TSHR: variants seen among roughly 807,000 people sequenced by gnomAD.
The protein encoded by TSHR is thyrotropin receptor.
Under a neutral mutation model 64.1 loss-of-function variants are expected in TSHR, and 51 were observed. The observed-to-expected ratio is 0.80, with a 90% confidence interval of 0.64 to 1.01. The LOEUF is 1.01. Ranked by LOEUF, TSHR falls within the 50% of genes least tolerant of loss-of-function variation. TSHR has a pLI of 0.00. For synonymous variants in TSHR, 361 were observed against 361.9 expected (o/e 1.00, Z 0.03); for missense variants, 877 against 942.8 (o/e 0.93, Z 0.91).
intron 1 of TSHR, among the ~76,000 whole-genome samples, chr14:80,975,004 T>C (rs74968622): frequency 0.014 from 2,163 of 152,268 alleles, 18 homozygotes; most frequent in Middle Eastern, 0.048. Flanking sequence ...CTAAGAATCT[T>C]AGCAAGGCAC....
intron 1 of TSHR, among the ~76,000 whole-genome samples, chr14:80,963,169 T>C (rs1346282620): frequency 2.0e-5 from 3 of 152,214 alleles, no homozygotes; most frequent in East Asian, 1.9e-4. Flanking sequence ...CAAATATATA[T>C]TGATTATTCT....
intron 1 of TSHR, among the ~76,000 whole-genome samples, chr14:80,967,812 A>C (rs2139697122): frequency 6.6e-6 from 1 of 152,314 alleles, no homozygotes; most frequent in Non-Finnish European, 1.5e-5. Flanking sequence ...AGCAGAGCCC[A>C]TGTGAGAATT....
At chr14:81,076,046 C>CA (rs1281954130) in intron 3 of TSHR, among the ~76,000 whole-genome samples, 24 of 152,170 alleles carry the variant, frequency 1.6e-4, no homozygotes, top group East Asian at 7.7e-4. Flanking sequence ...ATCGCAAGAA[C>CA]AAAAAACCAA....
At chr14:81,081,845 G>A (rs1319896486) in intron 3 of TSHR, among the ~76,000 whole-genome samples, 3 of 151,918 alleles carry the variant, frequency 2.0e-5, no homozygotes, top group Non-Finnish European at 4.4e-5. Context: ...CCTAATAGAT[G>A]TCCAGTAATT....
At chr14:81,089,765 T>G (rs1230008922) in intron 4 of TSHR, among the ~76,000 whole-genome samples, 1 of 152,220 alleles carries the variant, frequency 6.6e-6, no homozygotes, top group Non-Finnish European at 1.5e-5. Context: ...CTGTTCTTCA[T>G]GAGCACCTAT....
chr14:81,057,597 C>T (rs1372018262), intron 1 of TSHR, among the ~76,000 whole-genome samples: 1 of 152,184 alleles, frequency 6.6e-6, no homozygotes, highest in Non-Finnish European at 1.5e-5. Flanking sequence ...TCTATACTCA[C>T]ATAGAATAGT....
intron 8 of TSHR, among the ~76,000 whole-genome samples, chr14:81,138,296 T>C (rs1483942193): frequency 6.6e-6 from 1 of 151,396 alleles, no homozygotes; most frequent in Non-Finnish European, 1.5e-5. Context: ...GTTGAAGTGA[T>C]TCTCCCGCCT....
At position 81,143,665 on chromosome 14, in the gene TSHR, G is replaced by A; in HGVS notation, c.1607G>A (p.Arg536Lys). The A allele has an allele frequency of 6.2e-7, 1 of 1,614,146 alleles. No homozygotes were observed. The highest frequency in any genetic ancestry group is 8.5e-7 in the Non-Finnish European group (1 of 1,180,032). ...AMRLDRKIRLRHACAIMVGGW... is the reference protein window; with the variant it reads ...AMRLDRKIRLKHACAIMVGGW... ...CGCCTGGACCGGAAGATCCGCCTCA[G>A]GCACGCATGTGCCATCATGGTTGGG... Residue 536 changes from arginine (R) to lysine (K), a missense_variant, in exon 10 of 10, where the codon AGG becomes AAG. Physicochemically the swap from Arg to Lys is conservative, Grantham distance 26. Coordinates refer to ENST00000298171, the MANE Select transcript of TSHR (RefSeq NM_000369.5).
intron 1 of TSHR, among the ~76,000 whole-genome samples, chr14:81,055,931 G>T (rs1214398273): frequency 2.6e-5 from 4 of 152,118 alleles, no homozygotes; most frequent in African/African-American, 9.7e-5. Flanking sequence ...GGCATGATTG[G>T]TTTTGAAACA....
At chr14:81,037,003 T>G (rs1218272552) in intron 1 of TSHR, among the ~76,000 whole-genome samples, 2 of 151,518 alleles carry the variant, frequency 1.3e-5, no homozygotes, top group African/African-American at 4.9e-5. Context: ...ATTAGCTGGG[T>G]GTGGTGGTGT....
At chr14:80,986,590 G>A (rs1004526163) in intron 1 of TSHR, among the ~76,000 whole-genome samples, 5 of 152,038 alleles carry the variant, frequency 3.3e-5, no homozygotes, top group Non-Finnish European at 4.4e-5. Context: ...GGGTCCAGGC[G>A]ATTCTCCTGT....
chr14:81,042,455 TAAAAAATGAAGG>T (rs1884967710), intron 1 of TSHR, among the ~76,000 whole-genome samples: 2 of 152,152 alleles, frequency 1.3e-5, no homozygotes, highest in Admixed American at 6.5e-5. Context: ...TATTTAGCCA[TAAAAAATGAAGG>T]AAATCTTGTC....
chr14:81,081,289 T>C (rs940044944), intron 3 of TSHR, among the ~76,000 whole-genome samples: 2 of 152,196 alleles, frequency 1.3e-5, no homozygotes, highest in African/African-American at 4.8e-5. Flanking sequence ...TATATATATA[T>C]ACTTAACAGA....
In TSHR at chr14:81,012,990, G is replaced by A. The variant is rs1329004960; in HGVS notation, c.171-49158G>A. 3 of 152,134 alleles carry A rather than the reference G, an allele frequency of 2.0e-5. No individual in the cohort carries two copies. In the South Asian group the frequency reaches 6.2e-4, roughly 32 times the overall value. 9.4% of individuals were successfully genotyped at this position (152,134 alleles called of 1,614,324 possible). ...TTTGGCTTTTGTTGCTATTGCTTTT[G>A]GTGTTTTAGACATGAAGTCCTTGCC... On this transcript the variant is annotated intron_variant, in intron 1 of 9. Coordinates refer to ENST00000298171, the MANE Select transcript of TSHR (RefSeq NM_000369.5).
At chr14:81,120,587 T>C (rs1478346118) in intron 8 of TSHR, among the ~76,000 whole-genome samples, 1 of 152,222 alleles carries the variant, frequency 6.6e-6, no homozygotes, top group Non-Finnish European at 1.5e-5. Flanking sequence ...GGTGGAGGCT[T>C]TCTGATTTTC....
rs891445529 is a variant in TSHR at position 81,056,616 on chromosome 14, A to G, written c.171-5532A>G. 4.3e-4 allele frequency among the ~76,000 whole-genome samples: 66 copies of G among 152,142 alleles called. 2 individuals carry two copies. The highest frequency in any genetic ancestry group is 1.2e-4 in the Non-Finnish European group (8 of 68,036). On this transcript the variant is annotated intron_variant, in intron 1 of 9. Coordinates refer to ENST00000298171, the MANE Select transcript of TSHR (RefSeq NM_000369.5). ...TTCAACAATTTGGAGACCTAAACCAATACTTGTGAATAGACAACTCTCTCC... is the reference window on the plus strand; with the variant it reads ...TTCAACAATTTGGAGACCTAAACCAGTACTTGTGAATAGACAACTCTCTCC...
chr14:80,981,598 TG>T (rs1273448670), intron 1 of TSHR, among the ~76,000 whole-genome samples: 5 of 152,194 alleles, frequency 3.3e-5, no homozygotes, highest in Non-Finnish European at 1.5e-5. Flanking sequence ...TGATGAGGTC[TG>T]TTCCTTTCTA....
chr14:81,121,364 C>T (rs1411729192), intron 8 of TSHR, among the ~76,000 whole-genome samples: 1 of 152,156 alleles, frequency 6.6e-6, no homozygotes, highest in Non-Finnish European at 1.5e-5. Context: ...CTGTTGAATT[C>T]TGAAGGGAAA....
intron 2 of TSHR, among the ~76,000 whole-genome samples, chr14:81,064,946 C>T (rs553436027): frequency 2.0e-5 from 3 of 152,206 alleles, no homozygotes; most frequent in Admixed American, 2.0e-4. Context: ...TACATCATAA[C>T]GAGGAAGTCA....
Sources: gnomAD v4.1 joint callset for allele counts (sites outside exome capture counted in the v4.1 genomes callset) on GRCh38, gnomAD v4.1.1 for gene constraint, MANE v1.5 for transcripts, NCBI Gene and HGNC (gene_info 2026-07-23, HGNC 2026-07-21) for gene names.